The following DCAF10 variants were observed in gnomAD, a reference collection of about 807,000 sequenced individuals.
The protein encoded by DCAF10 is DDB1 and CUL4 associated factor 10.
Under a neutral mutation model 51.9 loss-of-function variants are expected in DCAF10, and 19 were observed. The ratio of observed to expected loss-of-function variants is 0.37; its 90% CI spans 0.26 to 0.54. The LOEUF is 0.54. Ranked by LOEUF, DCAF10 falls within the 20% of genes least tolerant of loss-of-function variation. The pLI is 0.87. For missense variants in DCAF10, 510 were observed against 730.6 expected, an observed-to-expected ratio of 0.70 and a Z score of 3.48; for synonymous variants, 291 against 297.1, an observed-to-expected ratio of 0.98 and a Z score of 0.21.
intron 1 of DCAF10, among the ~76,000 whole-genome samples, chr9:37,814,127 T>TATATATATATTTG (rs1554685262): frequency 9.9e-6 from 1 of 100,652 alleles, no homozygotes; most frequent in Non-Finnish European, 2.0e-5. Context: ...TATATATATA[T>TATATATATATTTG]TTGTTGTTGT....
chr9:37,860,226 C>A, intron 6 of DCAF10, 33 bp downstream of exon 6: 1 of 1,611,902 alleles, frequency 6.2e-7, no homozygotes, highest in South Asian at 1.1e-5. Flanking sequence ...TTCAACAGGG[C>A]TCATTGGACA....
At chr9:37,842,429 A>G in intron 3 of DCAF10, 143 bp downstream of exon 3, 1 of 800,536 alleles carries the variant, frequency 1.2e-6, no homozygotes, top group Non-Finnish European at 1.9e-6. Context: ...ATATTTTGTT[A>G]ATTGTACCTA....
intron 1 of DCAF10, among the ~76,000 whole-genome samples, chr9:37,813,616 G>A (rs758289974): frequency 6.6e-6 from 1 of 152,206 alleles, no homozygotes; most frequent in Non-Finnish European, 1.5e-5. Context: ...GGATGTCAAG[G>A]CATACCACTG....
intron 3 of DCAF10, among the ~76,000 whole-genome samples, chr9:37,854,033 AAAT>A (rs1830773151): frequency 6.6e-6 from 1 of 152,198 alleles, no homozygotes. Flanking sequence ...GTATTATTTT[AAAT>A]AATAATTATT....
At position 37,862,551 on chromosome 9, in the gene DCAF10, G is replaced by A. The variant is rs1831045832; in HGVS notation, c.*1043G>A. On this transcript the variant is annotated 3_prime_UTR_variant, in exon 7 of 7. Coordinates refer to ENST00000377724, the MANE Select transcript of DCAF10 (RefSeq NM_024345.5). The stretch of plus-strand genomic sequence containing the variant: ...CCAACTCTGTCACCATTCGTGAGGG[G>A]AGAGTTGCAGTCCTCTTCAAGCTGT... 6.6e-6 allele frequency: 1 copy of A among 152,220 alleles called. No individual in the cohort carries two copies. Among genetic ancestry groups the A allele is most frequent in the Non-Finnish European group, 1.5e-5 (1 of 68,048 alleles). The allele number at this position is 152,220 out of a possible 1,614,324, so 9.4% of individuals were successfully genotyped here. A position where few individuals can be genotyped will look rare whatever the true frequency, so the allele number is the denominator to read the frequency against.
At chr9:37,840,594 A>G (rs934533956) in intron 2 of DCAF10, among the ~76,000 whole-genome samples, 4 of 152,260 alleles carry the variant, frequency 2.6e-5, no homozygotes, top group African/African-American at 9.6e-5. Flanking sequence ...AAAAGAGTCA[A>G]AAGTTTAAAA....
intron 3 of DCAF10, among the ~76,000 whole-genome samples, chr9:37,853,310 G>A (rs1031058326): frequency 7.3e-5 from 11 of 151,528 alleles, no homozygotes; most frequent in Admixed American, 7.2e-4. Flanking sequence ...CTACTTGGGA[G>A]GCTGAGGCAG....
Position 37,866,298 on chromosome 9 carries a change from A to T in DCAF10, c.*4790A>T, listed in dbSNP as rs760264011. ...CATGCTCAGTATAATTCACATTTTCATGATGAAAAGTTAAAGTTATATTCA... is the reference window on the plus strand; with the variant it reads ...CATGCTCAGTATAATTCACATTTTCTTGATGAAAAGTTAAAGTTATATTCA... On this transcript the variant is annotated 3_prime_UTR_variant, in exon 7 of 7. Coordinates refer to ENST00000377724, the MANE Select transcript of DCAF10 (RefSeq NM_024345.5). 4 of 152,638 alleles carry T rather than the reference A, an allele frequency of 2.6e-5. No homozygotes were observed. Among genetic ancestry groups the T allele is most frequent in the Non-Finnish European group, 4.4e-5 (3 of 68,042 alleles). The allele number at this position is 152,638 out of a possible 1,614,324, so 9.5% of individuals were successfully genotyped here.
At chr9:37,837,886 T>C (rs978177311) in intron 2 of DCAF10, among the ~76,000 whole-genome samples, 4 of 151,612 alleles carry the variant, frequency 2.6e-5, no homozygotes, top group African/African-American at 9.7e-5. Flanking sequence ...TAGCTGGGCA[T>C]GGTGGCATGT....
In DCAF10 at chr9:37,862,650, G is replaced by C. The variant is rs1049036577; in HGVS notation, c.*1142G>C. The stretch of plus-strand genomic sequence containing the variant: ...ATATGAAGACTTGCCTTTGTGTTTT[G>C]TTATGAAACACGCAAGCATAAAGCA... On this transcript the variant is annotated 3_prime_UTR_variant, in exon 7 of 7. Coordinates refer to ENST00000377724, the MANE Select transcript of DCAF10 (RefSeq NM_024345.5). The C allele has an allele frequency of 2.6e-5, 4 of 152,180 alleles. No homozygotes were observed. Among genetic ancestry groups the C allele is most frequent in the Non-Finnish European group, 5.9e-5 (4 of 68,044 alleles). The allele number at this position is 152,180 out of a possible 1,614,324, so 9.4% of individuals were successfully genotyped here.
Position 37,864,120 on chromosome 9 carries a change from T to A in DCAF10, c.*2612T>A, listed in dbSNP as rs1057455378. The A allele has an allele frequency of 6.6e-6, 1 of 152,044 alleles. No individual in the cohort carries two copies. The highest frequency in any genetic ancestry group is 1.5e-5 in the Non-Finnish European group (1 of 68,062). The allele number at this position is 152,044 out of a possible 1,614,324, so 9.4% of individuals were successfully genotyped here. A position where few individuals can be genotyped will look rare whatever the true frequency, so the allele number is the denominator to read the frequency against. On this transcript the variant is annotated 3_prime_UTR_variant, in exon 7 of 7. Coordinates refer to ENST00000377724, the MANE Select transcript of DCAF10 (RefSeq NM_024345.5). ...GGGCAACATGGCGAAACCCCATCTCTACCAAAAATACAAAAATTAGATGGG... is the reference window on the plus strand; with the variant it reads ...GGGCAACATGGCGAAACCCCATCTCAACCAAAAATACAAAAATTAGATGGG...
At chr9:37,837,453 ATC>A (rs1309863105) in intron 2 of DCAF10, among the ~76,000 whole-genome samples, 2 of 145,736 alleles carry the variant, frequency 1.4e-5, no homozygotes, top group Non-Finnish European at 3.0e-5. Context: ...GCGAGACTCC[ATC>A]TCAAAAAAAA....
intron 3 of DCAF10, among the ~76,000 whole-genome samples, chr9:37,847,822 A>C (rs987841425): frequency 3.3e-5 from 5 of 152,246 alleles, no homozygotes; most frequent in African/African-American, 1.2e-4. Context: ...CAAGATATAC[A>C]ATCAATTGTA....
intron 3 of DCAF10, among the ~76,000 whole-genome samples, chr9:37,848,486 C>T (rs78454456): frequency 0.012 from 1,872 of 152,174 alleles, 32 homozygotes; most frequent in African/African-American, 0.043. Context: ...ACTTACTGTA[C>T]GATTCTATTT....
At chr9:37,860,339 C>T in intron 6 of DCAF10, 146 bp downstream of exon 6, 2 of 1,019,258 alleles carry the variant, frequency 2.0e-6, no homozygotes, top group Non-Finnish European at 1.4e-6. Context: ...TCTCCTGTTT[C>T]TGTCCTCTCT....
At chr9:37,852,959 T>TATATAC (rs1554690227) in intron 3 of DCAF10, among the ~76,000 whole-genome samples, 24 of 82,254 alleles carry the variant, frequency 2.9e-4, no homozygotes, top group Non-Finnish European at 5.0e-4. Context: ...TATATATATA[T>TATATAC]ATATATAAAT....
intron 2 of DCAF10, among the ~76,000 whole-genome samples, chr9:37,827,858 G>A (rs1829897317): frequency 6.6e-6 from 1 of 152,110 alleles, no homozygotes; most frequent in South Asian, 2.1e-4. Flanking sequence ...TCTAGGCTGT[G>A]GCATTGGGGA....
chr9:37,848,639 G>GT (rs1351393237), intron 3 of DCAF10, among the ~76,000 whole-genome samples: 1 of 152,120 alleles, frequency 6.6e-6, no homozygotes, highest in East Asian at 1.9e-4. Context: ...AAACTGGATT[G>GT]TGTTGATGAT....
intron 1 of DCAF10, among the ~76,000 whole-genome samples, chr9:37,808,186 C>T (rs1829181301): frequency 6.6e-6 from 1 of 151,846 alleles, no homozygotes; most frequent in African/African-American, 2.4e-5. Context: ...GTGATCCCAA[C>T]ACTTTGGGAG....
Sources: allele counts gnomAD v4.1 joint callset (sites outside exome capture counted in the v4.1 genomes callset), GRCh38; gene constraint gnomAD v4.1.1; transcripts MANE v1.5; gene names NCBI Gene and HGNC (gene_info 2026-07-23, HGNC 2026-07-21).